SNED1: variants seen among roughly 807,000 people sequenced by gnomAD.
SNED1 encodes sushi, nidogen and EGF-like domain-containing protein 1.
SNED1 carries 81 observed loss-of-function variants against 166.7 expected under a neutral mutation model. That is an observed-to-expected ratio of 0.49 (90% CI 0.41 to 0.58). SNED1 has a LOEUF of 0.58. Among genes scored for constraint, SNED1 ranks in the 20% least tolerant of loss-of-function variants. The pLI, the probability that SNED1 is intolerant of heterozygous loss-of-function variation, is 0.00. For synonymous variants in SNED1, 762 were observed against 822.0 expected, an observed-to-expected ratio of 0.93 and a Z score of 1.25; for missense variants, 1,604 against 2,000.2, an observed-to-expected ratio of 0.80 and a Z score of 3.78.
At chr2:241,071,942 C>A in intron 26 of SNED1, 64 bp downstream of exon 26, 1 of 1,312,072 alleles carries the variant, frequency 7.6e-7, no homozygotes, top group Non-Finnish European at 1.1e-6. Flanking sequence ...CCACTCTCAC[C>A]AGGTCCTGTC....
chr2:241,092,530 T>C lies in SNED1; in HGVS notation c.*894T>C, dbSNP rs1273854206. On this transcript the variant is annotated 3_prime_UTR_variant, in exon 32 of 32. Coordinates refer to ENST00000310397, the MANE Select transcript of SNED1 (RefSeq NM_001080437.3). This position sits in a 1 kb window ranked among gnomAD's most constrained non-coding sequence, Gnocchi z 4.6. ...TAAACAGTGGAAGCCATCCCCTGAATGACAAGTCACAAGGGTATCAAAGAA... is the reference window on the plus strand; with the variant it reads ...TAAACAGTGGAAGCCATCCCCTGAACGACAAGTCACAAGGGTATCAAAGAA... The C allele has an allele frequency of 6.6e-6, 1 of 151,608 alleles. No individual in the cohort carries two copies. Among genetic ancestry groups the C allele is most frequent in the Non-Finnish European group, 1.5e-5 (1 of 68,026 alleles). 9.4% of individuals were successfully genotyped at this position (151,608 alleles called of 1,614,324 possible).
intron 1 of SNED1, among the ~76,000 whole-genome samples, chr2:241,004,949 C>G (rs1237962616): frequency 1.3e-5 from 2 of 152,146 alleles, no homozygotes; most frequent in Non-Finnish European, 2.9e-5. Flanking sequence ...TCTTGAACTC[C>G]TGATCTCGTG....
intron 8 of SNED1, among the ~76,000 whole-genome samples, chr2:241,043,255 C>A (rs1187510531): frequency 6.6e-6 from 1 of 152,112 alleles, no homozygotes; most frequent in South Asian, 2.1e-4. Flanking sequence ...TAAAAAACCT[C>A]AAAAACAGCC....
intron 1 of SNED1, among the ~76,000 whole-genome samples, chr2:241,006,671 T>C (rs1339733557): frequency 1.3e-5 from 2 of 152,212 alleles, no homozygotes; most frequent in Non-Finnish European, 2.9e-5. Flanking sequence ...TAGACATGGG[T>C]ATATACATCT....
chr2:241,050,137 C>T (rs2061791770), intron 12 of SNED1: 2 of 629,400 alleles, frequency 3.2e-6, no homozygotes, highest in African/African-American at 1.8e-5. Flanking sequence ...CAGTGCCAGG[C>T]CTGCTGGTCA....
In SNED1 at chr2:241,071,718, C is replaced by CCCCCCGGAA; in HGVS notation, c.3732_3733insCCCCCGGAA (p.Pro1244_Arg1245insProProGlu). On this transcript the variant is annotated inframe_insertion and splice_region_variant, in exon 25 of 32. Coordinates refer to ENST00000310397, the MANE Select transcript of SNED1 (RefSeq NM_001080437.3). ...CCCCCGAGACCCCCACCCAGCCCCCCAGGTACATGCCCCACCCATCGGCCC... is the reference window on the plus strand; with the variant it reads ...CCCCCGAGACCCCCACCCAGCCCCCCCCCCCGGAAAGGTACATGCCCCACCCATCGGCCC... 1 of 1,503,682 alleles carries CCCCCCGGAA rather than the reference C, an allele frequency of 6.7e-7. No individual in the cohort carries two copies. The highest frequency in any genetic ancestry group is 9.0e-7 in the Non-Finnish European group (1 of 1,112,828). 93.1% of individuals were successfully genotyped at this position (1,503,682 alleles called of 1,614,324 possible).
rs2061749985 is a variant in SNED1, at chr2:241,049,107, C to G, written c.1590C>G (p.Val530=). The G allele has an allele frequency of 6.2e-7, 1 of 1,611,960 alleles. No homozygotes were observed. Among genetic ancestry groups the G allele is most frequent in the South Asian group, 1.1e-5 (1 of 90,754 alleles). Reference sequence around the variant, plus strand: ...AGCACGGCGGGAGCTACCTCTGCGTCTGCCACACCGACCACAATGCCAGCC... The same window carrying G: ...AGCACGGCGGGAGCTACCTCTGCGTGTGCCACACCGACCACAATGCCAGCC... ...CMEHGGSYLC[V]CHTDHNASHS... The change falls in exon 11 of 32, where the codon GTC becomes GTG. Residue 530 remains valine, a synonymous_variant. Coordinates refer to ENST00000310397, the MANE Select transcript of SNED1 (RefSeq NM_001080437.3).
chr2:241,040,823 G>C (rs2061503109), intron 8 of SNED1: 2 of 473,338 alleles, frequency 4.2e-6, no homozygotes, highest in Admixed American at 4.7e-5. Context: ...AAAGTAACGG[G>C]AATCAGAAAG....
intron 1 of SNED1, among the ~76,000 whole-genome samples, chr2:241,023,121 C>T (rs1280093581): frequency 6.6e-6 from 1 of 151,682 alleles, no homozygotes; most frequent in Admixed American, 6.6e-5. Flanking sequence ...ATTTTATTTA[C>T]TAAACTTTGT....
chr2:241,048,238 G>A, intron 8 of SNED1, 77 bp from the exon 9 acceptor site: 1 of 1,452,906 alleles, frequency 6.9e-7, no homozygotes, highest in Non-Finnish European at 9.1e-7. Context: ...ACCCAAAGGT[G>A]CCATTGGAGC....
chr2:241,083,125 C>T (rs567082106), intron 29 of SNED1, among the ~76,000 whole-genome samples: 4 of 152,220 alleles, frequency 2.6e-5, no homozygotes, highest in Middle Eastern at 3.4e-3. Context: ...GGAAAAAGGA[C>T]GAGATGACAG....
chr2:241,047,146 C>CAAAAA (rs59981303), intron 8 of SNED1, among the ~76,000 whole-genome samples: 1 of 68,170 alleles, frequency 1.5e-5, no homozygotes. Context: ...GAGACTCTGT[C>CAAAAA]AAAAAAAAAA....
rs2060505906 is a variant in SNED1, at chr2:241,014,309, C to A, written c.213+15259C>A. ...CATGCCAGGCCTAGACTACTCTTAA[C>A]AATGCTGTTTGTGAAAACTCTTGAA... On this transcript the variant is annotated intron_variant, in intron 1 of 31. Coordinates refer to ENST00000310397, the MANE Select transcript of SNED1 (RefSeq NM_001080437.3). Among the ~76,000 whole-genome samples the A allele has an allele frequency of 2.0e-5, 3 of 152,188 alleles. No individual in the cohort carries two copies. The East Asian group carries it at 5.8e-4, about 29-fold the overall frequency.
chr2:241,082,858 C>A (rs2063395434), intron 29 of SNED1, among the ~76,000 whole-genome samples: 1 of 152,236 alleles, frequency 6.6e-6, no homozygotes, highest in African/African-American at 2.4e-5. Flanking sequence ...CACTCTATGA[C>A]TCTGTCGGTC....
In SNED1 at chr2:241,022,295, A is replaced by G. The variant is rs147605413; in HGVS notation, c.214-7989A>G. On this transcript the variant is annotated intron_variant, in intron 1 of 31. Coordinates refer to ENST00000310397, the MANE Select transcript of SNED1 (RefSeq NM_001080437.3). ...CTTTTGGTGTCATATCCAAGAAACC[A>G]TGGGATAATCCAAGGTCACAAAGAT... Among the ~76,000 whole-genome samples, 636 of 152,312 alleles carry G rather than the reference A, an allele frequency of 4.2e-3. 13 individuals carry two copies. Among genetic ancestry groups the G allele is most frequent in the Admixed American group, 0.031 (468 of 15,294 alleles).
Position 241,069,107 on chromosome 2 carries a change from C to T in SNED1, c.3307+84C>T. 1.1e-6 allele frequency: 1 copy of T among 906,144 alleles called. No homozygotes were observed. The highest frequency in any genetic ancestry group is 1.7e-6 in the Non-Finnish European group (1 of 604,094). 56.1% of individuals were successfully genotyped at this position (906,144 alleles called of 1,614,324 possible). A position where few individuals can be genotyped will look rare whatever the true frequency, so the allele number is the denominator to read the frequency against. On this transcript the variant is annotated intron_variant, in intron 23 of 31. Coordinates refer to ENST00000310397, the MANE Select transcript of SNED1 (RefSeq NM_001080437.3). The surrounding 1 kb of genome is among the most constrained non-coding windows in gnomAD (Gnocchi z 4.9). ...TCCTTCCAGCCTCCCCTAGTCCTCT[C>T]CAAAGCGTCCACAACACCAGAAACC...
At chr2:241,089,172 C>T in intron 31 of SNED1, 1 of 887,090 alleles carries the variant, frequency 1.1e-6, no homozygotes, top group Non-Finnish European at 1.7e-6. Flanking sequence ...CAACCTGTTA[C>T]CAGTTTCATA....
At chr2:241,017,631 C>A (rs1043537142) in intron 1 of SNED1, among the ~76,000 whole-genome samples, 2 of 152,242 alleles carry the variant, frequency 1.3e-5, no homozygotes, top group African/African-American at 4.8e-5. Flanking sequence ...ACATTCTTGG[C>A]CAAACTCAAA....
At position 241,069,053 on chromosome 2, in the gene SNED1, C is replaced by T. The variant is rs1329755807; in HGVS notation, c.3307+30C>T. On this transcript the variant is annotated intron_variant, in intron 23 of 31. Coordinates refer to ENST00000310397, the MANE Select transcript of SNED1 (RefSeq NM_001080437.3). This position sits in a 1 kb window ranked among gnomAD's most constrained non-coding sequence, Gnocchi z 4.9. Reference sequence around the variant, plus strand: ...GTAGAGCAGCGCGGCCCCCGGCACACGAAAGGCCGTCTTCTAGAAGCTCTG... The same window carrying T: ...GTAGAGCAGCGCGGCCCCCGGCACATGAAAGGCCGTCTTCTAGAAGCTCTG... 1.5e-5 allele frequency: 22 copies of T among 1,439,448 alleles called. No homozygotes were observed. The highest frequency in any genetic ancestry group is 1.8e-4 in the Middle Eastern group (1 of 5,468). 89.2% of individuals were successfully genotyped at this position (1,439,448 alleles called of 1,614,324 possible).
Sources: allele counts gnomAD v4.1 joint callset (sites outside exome capture counted in the v4.1 genomes callset), GRCh38; gene constraint gnomAD v4.1.1; non-coding constraint Gnocchi (gnomAD v3.1); transcripts MANE v1.5; gene names NCBI Gene and HGNC (gene_info 2026-07-23, HGNC 2026-07-21).